Variants in RCAN2 observed in about 807,000 individuals in gnomAD.
RCAN2 encodes the protein calcipressin-2.
Under a neutral mutation model 23.6 loss-of-function variants are expected in RCAN2, and 9 were observed. The observed-to-expected ratio is 0.38, with a 90% CI of 0.23 to 0.67. The LOEUF (loss-of-function observed/expected upper bound fraction) is 0.67. Ranked by LOEUF, RCAN2 falls within the 30% of genes least tolerant of loss-of-function variation. The pLI, the probability that RCAN2 is intolerant of heterozygous loss-of-function variation, is 0.51. For missense variants in RCAN2, 273 were observed against 302.3 expected, an observed-to-expected ratio of 0.90 and a Z score of 0.72; for synonymous variants, 109 against 115.7, an observed-to-expected ratio of 0.94 and a Z score of 0.37.
At position 46,408,303 on chromosome 6, in the gene RCAN2, T is replaced by C. The variant is rs1234747327; in HGVS notation, c.225+48449A>G. On this transcript the variant is annotated intron_variant, in intron 2 of 4. Coordinates refer to ENST00000371374, the MANE Select transcript of RCAN2 (RefSeq NM_001251974.2). The stretch of plus-strand genomic sequence containing the variant: ...TATGAGGCTAAACAGCTGTGATGAC[T>C]GCAGGCTCTTTGTGGCAACCTGCTG... Among the ~76,000 whole-genome samples the C allele has an allele frequency of 3.3e-5, 5 of 152,182 alleles. No individual in the cohort carries two copies. The East Asian group carries it at 9.6e-4, about 29-fold the overall frequency.
In RCAN2 at chr6:46,241,826, G is replaced by A. The variant is rs1277776714; in HGVS notation, c.571+4922C>T. Among the ~76,000 whole-genome samples the A allele has an allele frequency of 3.3e-5, 5 of 152,278 alleles. No individual in the cohort carries two copies. In the East Asian group the frequency reaches 9.7e-4, roughly 29 times the overall value. ...AATAATAATACCTGTTATTGTCTGT[G>A]AACATTAAATAATATTGTAAGGTAT... On this transcript the variant is annotated intron_variant, in intron 4 of 4. Coordinates refer to ENST00000371374, the MANE Select transcript of RCAN2 (RefSeq NM_001251974.2).
At chr6:46,367,817 T>C (rs1230466856) in intron 2 of RCAN2, among the ~76,000 whole-genome samples, 2 of 152,212 alleles carry the variant, frequency 1.3e-5, no homozygotes, top group Non-Finnish European at 2.9e-5. Flanking sequence ...TTCCCATTTT[T>C]GTTTACATAG....
intron 2 of RCAN2, among the ~76,000 whole-genome samples, chr6:46,448,311 T>A (rs1025227674): frequency 1.1e-4 from 17 of 151,668 alleles, no homozygotes; most frequent in African/African-American, 3.9e-4. Flanking sequence ...AACTGACCAA[T>A]AACAAGTAAA....
At chr6:46,395,540 C>A (rs1393933846) in intron 2 of RCAN2, among the ~76,000 whole-genome samples, 1 of 152,152 alleles carries the variant, frequency 6.6e-6, no homozygotes, top group East Asian at 1.9e-4. Context: ...AAATCAAAAT[C>A]TCAAGGCTAA....
chr6:46,432,841 C>T (rs928068950), intron 2 of RCAN2, among the ~76,000 whole-genome samples: 1 of 152,162 alleles, frequency 6.6e-6, no homozygotes, highest in Non-Finnish European at 1.5e-5. Flanking sequence ...GGTAGTACAT[C>T]TGACTCCAGA....
chr6:46,363,143 T>G (rs944671072), intron 2 of RCAN2, among the ~76,000 whole-genome samples: 3 of 152,188 alleles, frequency 2.0e-5, no homozygotes, highest in African/African-American at 7.2e-5. Context: ...CAAACTGCTG[T>G]GCAAGCCATC....
intron 4 of RCAN2, among the ~76,000 whole-genome samples, chr6:46,242,392 G>C (rs975100843): frequency 6.6e-6 from 1 of 152,120 alleles, no homozygotes; most frequent in Non-Finnish European, 1.5e-5. Context: ...TGCCTCTGGG[G>C]GCAGCCAGTC....
intron 2 of RCAN2, among the ~76,000 whole-genome samples, chr6:46,278,816 T>G (rs1767802535): frequency 6.6e-6 from 1 of 152,206 alleles, no homozygotes; most frequent in Non-Finnish European, 1.5e-5. Flanking sequence ...GGAACCCTGT[T>G]GCAAATATTT....
At chr6:46,283,918 G>C (rs554336677) in intron 2 of RCAN2, among the ~76,000 whole-genome samples, 1 of 152,260 alleles carries the variant, frequency 6.6e-6, no homozygotes, top group Non-Finnish European at 1.5e-5. Context: ...CTGTGTGCTT[G>C]GATTTTTAAC....
At chr6:46,389,739 C>T (rs150243616) in intron 2 of RCAN2, among the ~76,000 whole-genome samples, 2,664 of 152,336 alleles carry the variant, frequency 0.017, 54 homozygotes, top group South Asian at 0.12. Flanking sequence ...TTATAGCCCG[C>T]TTGAGGCTGC....
At chr6:46,227,056 T>C (rs1765695521) in intron 4 of RCAN2, among the ~76,000 whole-genome samples, 1 of 152,246 alleles carries the variant, frequency 6.6e-6, no homozygotes. Context: ...ATGTGGTTTT[T>C]GTCTTTGGTT....
intron 1 of RCAN2, among the ~76,000 whole-genome samples, chr6:46,488,153 A>G (rs1234510989): frequency 6.6e-6 from 1 of 152,240 alleles, no homozygotes; most frequent in Non-Finnish European, 1.5e-5. Context: ...AGGATAAAAA[A>G]GAATTATTTT....
intron 2 of RCAN2, among the ~76,000 whole-genome samples, chr6:46,417,527 C>T (rs1368387247): frequency 1.3e-5 from 2 of 152,128 alleles, no homozygotes; most frequent in African/African-American, 2.4e-5. Flanking sequence ...AAGCAGGACA[C>T]TCTTCATTTA....
chr6:46,453,125 A>G (rs1051094536), intron 2 of RCAN2, among the ~76,000 whole-genome samples: 6 of 152,174 alleles, frequency 3.9e-5, no homozygotes, highest in Non-Finnish European at 8.8e-5. Flanking sequence ...CACCTTCCTC[A>G]AGATGACTTC....
intron 2 of RCAN2, among the ~76,000 whole-genome samples, chr6:46,315,450 G>A (rs1272333075): frequency 6.6e-6 from 1 of 152,196 alleles, no homozygotes; most frequent in East Asian, 1.9e-4. Context: ...TGATGAGTGA[G>A]GAGCAAGCCA....
At chr6:46,405,373 G>A (rs1411752603) in intron 2 of RCAN2, among the ~76,000 whole-genome samples, 1 of 152,166 alleles carries the variant, frequency 6.6e-6, no homozygotes, top group East Asian at 1.9e-4. Flanking sequence ...GCTGGCTTGG[G>A]CAGCCTGCTT....
chr6:46,306,790 C>T (rs1189277888), intron 2 of RCAN2, among the ~76,000 whole-genome samples: 1 of 152,086 alleles, frequency 6.6e-6, no homozygotes, highest in Admixed American at 6.5e-5. Context: ...TATCCTGGCA[C>T]CCTACTGAAA....
chr6:46,389,433 C>T (rs1396013303), intron 2 of RCAN2, among the ~76,000 whole-genome samples: 1 of 152,188 alleles, frequency 6.6e-6, no homozygotes, highest in Non-Finnish European at 1.5e-5. Flanking sequence ...GCTCCCAGAA[C>T]TTCAAGGCAC....
intron 2 of RCAN2, among the ~76,000 whole-genome samples, chr6:46,345,837 T>C (rs1035710134): frequency 1.3e-5 from 2 of 152,220 alleles, no homozygotes; most frequent in African/African-American, 2.4e-5. Context: ...GTTACTTTTT[T>C]CACTATTTTT....
Sources: allele counts gnomAD v4.1 joint callset (sites outside exome capture counted in the v4.1 genomes callset), GRCh38; gene constraint gnomAD v4.1.1; transcripts MANE v1.5; gene names NCBI Gene and HGNC (gene_info 2026-07-23, HGNC 2026-07-21).